The following ZNF578 variants were observed in gnomAD, a reference collection of about 807,000 sequenced individuals.
The protein encoded by ZNF578 is Putative chemokine-related protein B42.
Under a neutral mutation model 8.3 loss-of-function variants are expected in ZNF578, and 8 were observed. The observed-to-expected ratio is 0.96, with a 90% CI of 0.56 to 1.74. The LOEUF is 1.74. Ranked by LOEUF, ZNF578 falls within the 40% of genes most tolerant of loss-of-function variation. The probability of loss-of-function intolerance (pLI) is 0.00; values close to 1 mark genes in which losing one functional copy is unlikely to be tolerated. For synonymous variants in ZNF578, 206 were observed against 232.2 expected (o/e 0.89, Z 1.03); for missense variants, 726 against 707.5 (o/e 1.03, Z -0.30).
At chr19:52,498,414 C>A (rs2059394949) in intron 3 of ZNF578, among the ~76,000 whole-genome samples, 1 of 149,846 alleles carries the variant, frequency 6.7e-6, no homozygotes. Context: ...TCACTGCAAG[C>A]TCTGCCTCCT....
intron 2 of ZNF578, among the ~76,000 whole-genome samples, chr19:52,477,320 G>A (rs1037424483): frequency 6.6e-6 from 1 of 152,176 alleles, no homozygotes; most frequent in African/African-American, 2.4e-5. Flanking sequence ...CCCCTGAAGT[G>A]TGGTTGTGGT....
intron 5 of ZNF578, among the ~76,000 whole-genome samples, chr19:52,506,611 G>A (rs753746088): frequency 3.2e-4 from 48 of 152,090 alleles, no homozygotes; most frequent in Non-Finnish European, 6.2e-4. Flanking sequence ...AATTACAGAT[G>A]TTCACCACCA....
rs545889731 is a variant in ZNF578 at position 52,475,523 on chromosome 19, A to AT, written c.-121-15794dup. On this transcript the variant is annotated intron_variant, in intron 2 of 5. Transcript: ENST00000421239. ...AGGCGCCAGCCACCACGCCCAGCTA[A>AT]TTTTTTTGTATTTTTAGTAGAGACG... 5.9e-5 allele frequency among the ~76,000 whole-genome samples: 9 copies of AT among 151,820 alleles called. No homozygotes were observed. In the South Asian group the frequency reaches 1.9e-3, roughly 32 times the overall value.
rs751085795 is a variant in ZNF578 at position 52,516,604 on chromosome 19, T to C, written c.*4450T>C. Among the ~76,000 whole-genome samples, 2 of 152,328 alleles carry C rather than the reference T, an allele frequency of 1.3e-5. No individual in the cohort carries two copies. Among genetic ancestry groups the C allele is most frequent in the African/African-American group, 2.4e-5 (1 of 41,576 alleles). ...AAGAAGTGAAAATACCCTTAAGTGA[T>C]GACATTCCACCATTGTGATTTATTT... On this transcript the variant is annotated 3_prime_UTR_variant, in exon 6 of 6. Transcript: ENST00000421239.
rs66824085 is a variant in ZNF578 at position 52,499,689 on chromosome 19, G to GTTTTTTTTTTTTTTTTTTTTTTTTT, written c.-19-2125_-19-2124insTTTTTTTTTTTTTTTTTTTTTTTTT. Among the ~76,000 whole-genome samples the GTTTTTTTTTTTTTTTTTTTTTTTTT allele has an allele frequency of 2.4e-4, 34 of 141,580 alleles. 2 individuals carry two copies. The highest frequency in any genetic ancestry group is 7.5e-4 in the African/African-American group (28 of 37,548). The allele number at this position is 141,580 out of a possible 152,430, so 92.9% of individuals were successfully genotyped here. On this transcript the variant is annotated intron_variant, in intron 3 of 5. Transcript: ENST00000421239. ...TGAGAAGATACATCACTTCCAAATC[G>GTTTTTTTTTTTTTTTTTTTTTTTTT]TTTTTTTTTTTTTGAGATGAATTTT... is the stretch of plus-strand genomic sequence containing the variant.
intron 2 of ZNF578, among the ~76,000 whole-genome samples, chr19:52,472,355 T>C (rs2122802267): frequency 6.6e-6 from 1 of 152,350 alleles, no homozygotes; most frequent in East Asian, 1.9e-4. Context: ...ACTATGCACA[T>C]TCTAAATCAA....
chr19:52,492,331 A>AT (rs1293409054), intron 3 of ZNF578, among the ~76,000 whole-genome samples: 1 of 151,954 alleles, frequency 6.6e-6, no homozygotes, highest in Non-Finnish European at 1.5e-5. Flanking sequence ...TCGTGCCCGC[A>AT]TCCCTGCTGT....
intron 3 of ZNF578, among the ~76,000 whole-genome samples, chr19:52,496,968 T>C (rs1479412445): frequency 6.6e-6 from 1 of 152,084 alleles, no homozygotes; most frequent in Non-Finnish European, 1.5e-5. Context: ...ACACTCTTGC[T>C]GTTGTCCAGG....
chr19:52,492,155 C>G (rs1483255851), intron 3 of ZNF578, among the ~76,000 whole-genome samples: 2 of 58,158 alleles, frequency 3.4e-5, no homozygotes, highest in African/African-American at 1.5e-4. Flanking sequence ...GAGATTCTGT[C>G]TCAAAAAAAA....
intron 3 of ZNF578, among the ~76,000 whole-genome samples, chr19:52,501,014 G>A (rs1005171589): frequency 6.6e-6 from 1 of 151,938 alleles, no homozygotes; most frequent in Non-Finnish European, 1.5e-5. Flanking sequence ...GAATAGCTGG[G>A]ATTATGGGCA....
At position 52,512,068 on chromosome 19, in the gene ZNF578, G is replaced by A. The variant is rs200014147; in HGVS notation, c.1687G>A (p.Gly563Arg). 3.5e-5 allele frequency: 57 copies of A among 1,613,742 alleles called. No individual in the cohort carries two copies. Among genetic ancestry groups the A allele is most frequent in the African/African-American group, 2.8e-4 (21 of 74,900 alleles). Residue 563 changes from glycine to arginine, a missense_variant, in exon 6 of 6, where the codon GGA (glycine) becomes AGA (arginine). By Grantham distance (125) the Gly-to-Arg change is moderately radical. Coordinates refer to ENST00000421239, the MANE Select transcript of ZNF578 (RefSeq NM_001099694.2). ...YLANHTRIHS[G>R]EKPYKCNECG... ...GGCAAACCATACTAGAATTCATAGC[G>A]GAGAGAAACCTTACAAGTGTAATGA...
chr19:52,502,466 A>C (rs2059411193), intron 4 of ZNF578, among the ~76,000 whole-genome samples: 1 of 152,100 alleles, frequency 6.6e-6, no homozygotes, highest in Admixed American at 6.6e-5. Context: ...TCCAGGTGGG[A>C]TGGCTCACAC....
chr19:52,490,068 T>C (rs1438262389), intron 2 of ZNF578, among the ~76,000 whole-genome samples: 3 of 152,236 alleles, frequency 2.0e-5, no homozygotes, highest in African/African-American at 7.2e-5. Flanking sequence ...GGAGCCTGCA[T>C]CAGGTTTTTG....
At chr19:52,464,315 C>T (rs376552868) in intron 2 of ZNF578, among the ~76,000 whole-genome samples, 440 of 152,186 alleles carry the variant, frequency 2.9e-3, no homozygotes, top group Non-Finnish European at 3.7e-3. Flanking sequence ...TTCATGGCCT[C>T]GGGTGTTAGT....
chr19:52,506,901 G>A (rs2059427489), intron 5 of ZNF578, among the ~76,000 whole-genome samples: 1 of 152,214 alleles, frequency 6.6e-6, no homozygotes, highest in South Asian at 2.1e-4. Context: ...GGCCTTTGGT[G>A]ATGTTGATGA....
chr19:52,474,079 T>C, intron 2 of ZNF578: 1 of 395,064 alleles, frequency 2.5e-6, no homozygotes, highest in Non-Finnish European at 5.2e-6. Flanking sequence ...AAGGCCTCTC[T>C]CCAGTATGAA....
rs761473321 is a variant in ZNF578, at chr19:52,512,015, A to T, written c.1634A>T (p.Asp545Val). Residue 545 changes from aspartate (D) to valine (V), a missense_variant, in exon 6 of 6, where the codon GAC becomes GTC. Transcript: ENST00000421239. ...GEKPYKCKVC[D>V]KAFMCHSYLA... Reference sequence around the variant, plus strand: ...AAACCTTACAAATGTAAGGTTTGTGACAAGGCTTTCATGTGCCATTCTTAT... The same window carrying T: ...AAACCTTACAAATGTAAGGTTTGTGTCAAGGCTTTCATGTGCCATTCTTAT... The T allele has an allele frequency of 6.2e-7, 1 of 1,613,780 alleles. No homozygotes were observed. The highest frequency in any genetic ancestry group is 1.3e-5 in the African/African-American group (1 of 74,820).
intron 2 of ZNF578, chr19:52,457,660 G>A (rs1023788442): frequency 6.6e-6 from 1 of 152,136 alleles, no homozygotes; most frequent in African/African-American, 2.4e-5. Context: ...TAAACTGGAA[G>A]ATACCCAGCT....
At chr19:52,501,779 G>A (rs913704232) in intron 3 of ZNF578, 48 bp from the exon 4 acceptor site, 8 of 1,588,626 alleles carry the variant, frequency 5.0e-6, no homozygotes, top group Non-Finnish European at 6.9e-6. Context: ...TCACAGGAAG[G>A]GAGTGAGTCA....
Sources: gnomAD v4.1 joint callset for allele counts (sites outside exome capture counted in the v4.1 genomes callset) on GRCh38, gnomAD v4.1.1 for gene constraint, MANE v1.5 for transcripts, NCBI Gene and HGNC (gene_info 2026-07-23, HGNC 2026-07-21) for gene names.